Variants in EPHA10 observed in about 807,000 individuals in gnomAD.
The protein encoded by EPHA10 is EPH receptor A10.
In EPHA10, 120 loss-of-function variants were observed where a neutral mutation model predicts 109.7. The observed-to-expected ratio is 1.09, with a 90% CI of 0.94 to 1.27. The LOEUF is 1.27. Among genes scored for constraint, EPHA10 ranks in the 50% most tolerant of loss-of-function variants. EPHA10 has a pLI of 0.00. For synonymous variants in EPHA10, 640 were observed against 618.9 expected, an observed-to-expected ratio of 1.03 and a Z score of -0.51; for missense variants, 1,396 against 1,411.1, an observed-to-expected ratio of 0.99 and a Z score of 0.17.
intron 5 of EPHA10, among the ~76,000 whole-genome samples, chr1:37,752,643 T>C (rs1046053377): frequency 4.0e-5 from 6 of 151,710 alleles, no homozygotes; most frequent in African/African-American, 9.7e-5. Context: ...TCTGGCCCAG[T>C]AGTAAGGGGA....
At chr1:37,761,377 AC>A (rs1201752336) in intron 3 of EPHA10, 27 bp downstream of exon 3, 6 of 1,596,732 alleles carry the variant, frequency 3.8e-6, no homozygotes, top group Non-Finnish European at 5.1e-6. Flanking sequence ...CTACACTCCC[AC>A]CCCACGGCCC....
rs892038224 is a variant in EPHA10 at position 37,720,608 on chromosome 1, G to A, written c.2209-54C>T. On this transcript the variant is annotated intron_variant, in intron 12 of 16. Transcript: ENST00000373048. Reference sequence around the variant, plus strand: ...CTGTGCGCTTGGATCCCCTGGTGTTGTGTGACACCAGGGCGGTCACCTAGC... The same window carrying A: ...CTGTGCGCTTGGATCCCCTGGTGTTATGTGACACCAGGGCGGTCACCTAGC... 18 of 1,562,506 alleles carry A rather than the reference G, an allele frequency of 1.2e-5. No individual in the cohort carries two copies. The Admixed American group carries it at 3.1e-4, about 27-fold the overall frequency.
In EPHA10 at chr1:37,754,244, G is replaced by A. The variant is rs1487411575; in HGVS notation, c.977C>T (p.Pro326Leu). ...GCAGGAAGCCGAGGGCGGGTCGGTG[G>A]GTGAGCGCGCATAGCTGTCCTGGCA... The part of the protein sequence containing the change: ...CVCQDSYARS[P>L]TDPPSASCTR... Residue 326 changes from proline to leucine, a missense_variant, in exon 4 of 17, where the codon CCC becomes CTC. Coordinates refer to ENST00000373048, the MANE Select transcript of EPHA10 (RefSeq NM_001099439.2). This position sits in a 1 kb window ranked among gnomAD's most constrained non-coding sequence, Gnocchi z 4.5. The A allele has an allele frequency of 1.5e-6, 2 of 1,318,316 alleles. No individual in the cohort carries two copies. The highest frequency in any genetic ancestry group is 2.4e-5 in the South Asian group (1 of 41,690). The allele number at this position is 1,318,316 out of a possible 1,614,324, so 81.7% of individuals were successfully genotyped here.
chr1:37,723,317 A>C lies in EPHA10; in HGVS notation c.1828T>G (p.Phe610Val), dbSNP rs949588047. The C allele has an allele frequency of 4.3e-5, 70 of 1,614,152 alleles. No individual in the cohort carries two copies. The highest frequency in any genetic ancestry group is 5.9e-5 in the Non-Finnish European group (70 of 1,180,020). The change falls in exon 9 of 17, where the codon TTC becomes GTC. Residue 610 changes from phenylalanine to valine, a missense_variant. Phe to Val is a conservative substitution (Grantham distance 50, BLOSUM62 -1). Coordinates refer to ENST00000373048, the MANE Select transcript of EPHA10 (RefSeq NM_001099439.2). ...GDAHDEEELY[F>V]HFKVPTRRTF... ...CCAGGCCCAGCCAACTCACAGTGGA[A>C]ATACAGCTCCTCTTCATCATGGGCA...
Position 37,720,453 on chromosome 1 carries a change from G to A in EPHA10, c.2310C>T (p.Gly770=), listed in dbSNP as rs371512985. The A allele has an allele frequency of 1.9e-6, 3 of 1,613,614 alleles. No homozygotes were observed. In the East Asian group the frequency reaches 6.7e-5, roughly 36 times the overall value. The change falls in exon 13 of 17, where the codon GGC becomes GGT. Residue 770 remains glycine (G), a synonymous_variant. Transcript: ENST00000373048. ...YLSEMGYVHR[G]LAARHVLVSS... is the part of the protein sequence containing the mutation. The stretch of plus-strand genomic sequence containing the variant: ...TGACCAGCACATGGCGAGCTGCCAG[G>A]CCCCGGTGAACGTAGCCCATCTCTG...
At position 37,764,911 on chromosome 1, in the gene EPHA10, C is replaced by A; in HGVS notation, c.106+50G>T. On this transcript the variant is annotated intron_variant, in intron 1 of 16. Coordinates refer to ENST00000373048, the MANE Select transcript of EPHA10 (RefSeq NM_001099439.2). The surrounding 1 kb of genome is among the most constrained non-coding windows in gnomAD (Gnocchi z 5.8). The stretch of plus-strand genomic sequence containing the variant: ...CCCCCAGAACCCCCATCGCCAGCCC[C>A]CTATCTTTTGGTATGCCACGCTCCG... 6.6e-7 allele frequency: 1 copy of A among 1,525,492 alleles called. No homozygotes were observed. Among genetic ancestry groups the A allele is most frequent in the Non-Finnish European group, 8.9e-7 (1 of 1,123,290 alleles). The allele number at this position is 1,525,492 out of a possible 1,614,324, so 94.5% of individuals were successfully genotyped here.
At chr1:37,752,842 G>C in intron 5 of EPHA10, 34 bp downstream of exon 5, 1 of 1,234,544 alleles carries the variant, frequency 8.1e-7, no homozygotes, top group South Asian at 3.2e-5. Flanking sequence ...GGCAGGCGCG[G>C]TGGCCTCGGG....
In EPHA10 at chr1:37,754,124, A is replaced by C; in HGVS notation, c.1006+91T>G. Reference sequence around the variant, plus strand: ...CGCCCACGTGCGCCCCAGTGCGGAGACCCTGCCCTCACCACCACCTGGATC... The same window carrying C: ...CGCCCACGTGCGCCCCAGTGCGGAGCCCCTGCCCTCACCACCACCTGGATC... On this transcript the variant is annotated intron_variant, in intron 4 of 16. Transcript: ENST00000373048. This position sits in a 1 kb window ranked among gnomAD's most constrained non-coding sequence, Gnocchi z 4.5. 8.2e-7 allele frequency: 1 copy of C among 1,221,084 alleles called. No individual in the cohort carries two copies. Among genetic ancestry groups the C allele is most frequent in the Non-Finnish European group, 1.0e-6 (1 of 969,024 alleles). The allele number at this position is 1,221,084 out of a possible 1,614,324, so 75.6% of individuals were successfully genotyped here.
intron 15 of EPHA10, 139 bp downstream of exon 15, chr1:37,719,275 C>G (rs1645744903): frequency 9.9e-7 from 1 of 1,007,834 alleles, no homozygotes; most frequent in Admixed American, 2.4e-5. Context: ...GGCAGGCAGG[C>G]TACAGCCCTC....
At chr1:37,729,231 A>G (rs1645942090) in intron 7 of EPHA10, among the ~76,000 whole-genome samples, 1 of 152,222 alleles carries the variant, frequency 6.6e-6, no homozygotes, top group South Asian at 2.1e-4. Context: ...AGATGATCAC[A>G]GCCCCTGAGG....
In EPHA10 at chr1:37,754,337, C is replaced by A; in HGVS notation, c.884G>T (p.Arg295Leu). The change falls in exon 4 of 17, where the codon CGG (arginine) becomes CTG (leucine). Residue 295 changes from arginine to leucine, a missense_variant. Arg to Leu is a moderately radical substitution (Grantham distance 102). Transcript: ENST00000373048. This position sits in a 1 kb window ranked among gnomAD's most constrained non-coding sequence, Gnocchi z 4.5. The part of the protein sequence containing the change: ...CPPGFYKVSP[R>L]RPLCSPCPEH... The stretch of plus-strand genomic sequence containing the variant: ...TGGGCACGGTGAGCAGAGGGGCCGC[C>A]GCGGGGACACCTTGTAAAACCCTGG... 1 of 1,308,224 alleles carries A rather than the reference C, an allele frequency of 7.6e-7. No individual in the cohort carries two copies. 81.0% of individuals were successfully genotyped at this position (1,308,224 alleles called of 1,614,324 possible). A position where few individuals can be genotyped will look rare whatever the true frequency, so the allele number is the denominator to read the frequency against.
At chr1:37,762,668 TGGAGACCACACACTCTGA>T in intron 2 of EPHA10, 99 bp downstream of exon 2, 2 of 842,900 alleles carry the variant, frequency 2.4e-6, no homozygotes, top group South Asian at 6.4e-5. Context: ...CCAGGGCTGC[TGGAGACCACACACTCTGA>T]GGAGCACTTT....
chr1:37,735,446 G>C, intron 5 of EPHA10, 56 bp from the exon 6 acceptor site: 1 of 1,538,554 alleles, frequency 6.5e-7, no homozygotes, highest in Non-Finnish European at 8.8e-7. Flanking sequence ...GCAGGGCTGG[G>C]GGTGCGGGGA....
At chr1:37,721,406 C>T (rs1319945986) in intron 11 of EPHA10, among the ~76,000 whole-genome samples, 2 of 140,510 alleles carry the variant, frequency 1.4e-5, no homozygotes, top group Non-Finnish European at 3.1e-5. Flanking sequence ...CTAGCCTGGG[C>T]AACAGAGCGA....
intron 3 of EPHA10, chr1:37,761,179 A>G: frequency 6.9e-7 from 1 of 1,448,350 alleles, no homozygotes; most frequent in Non-Finnish European, 9.0e-7. Flanking sequence ...ATAGATCCCT[A>G]ATGCCTCCTT....
At position 37,761,394 on chromosome 1, in the gene EPHA10, C is replaced by T; in HGVS notation, c.850+11G>A. 2 of 1,599,024 alleles carry T rather than the reference C, an allele frequency of 1.3e-6. No homozygotes were observed. Among genetic ancestry groups the T allele is most frequent in the Admixed American group, 1.7e-5 (1 of 59,946 alleles). On this transcript the variant is annotated intron_variant, in intron 3 of 16. Transcript: ENST00000373048. ...ACACTCCCACCCCACGGCCCCCAGCCAACTGGATACCTTCGCAGAAGTCAC... is the reference window on the plus strand; with the variant it reads ...ACACTCCCACCCCACGGCCCCCAGCTAACTGGATACCTTCGCAGAAGTCAC...
At chr1:37,726,211 C>T (rs961457046) in intron 8 of EPHA10, among the ~76,000 whole-genome samples, 2 of 152,230 alleles carry the variant, frequency 1.3e-5, no homozygotes, top group Non-Finnish European at 2.9e-5. Context: ...CCAACGGGTC[C>T]AGCACATGGA....
chr1:37,731,612 C>T (rs1645984691), intron 6 of EPHA10, 30 bp from the exon 7 acceptor site: 1 of 1,577,550 alleles, frequency 6.3e-7, no homozygotes. Context: ...TGAAGCCCAC[C>T]AGCGCCAGAT....
rs1484326276 is a variant in EPHA10, at chr1:37,716,248, A to AG, written c.*2123dup. 4 of 292,452 alleles carry AG rather than the reference A, an allele frequency of 1.4e-5. No homozygotes were observed. The highest frequency in any genetic ancestry group is 2.6e-5 in the Non-Finnish European group (4 of 154,840). The allele number at this position is 292,452 out of a possible 1,614,324, so 18.1% of individuals were successfully genotyped here. A position where few individuals can be genotyped will look rare whatever the true frequency, so the allele number is the denominator to read the frequency against. On this transcript the variant is annotated 3_prime_UTR_variant, in exon 17 of 17. Transcript: ENST00000373048. ...GGGACCTCACTCCTCAGTGGAGGGG[A>AG]GATCTACCCTGGACACCGAAGTCCT...
Sources: allele counts gnomAD v4.1 joint callset (sites outside exome capture counted in the v4.1 genomes callset), GRCh38; gene constraint gnomAD v4.1.1; non-coding constraint Gnocchi (gnomAD v3.1); transcripts MANE v1.5; gene names NCBI Gene and HGNC (gene_info 2026-07-23, HGNC 2026-07-21).